The following ROBO1 variants were observed in gnomAD, a reference collection of about 807,000 sequenced individuals.
ROBO1 encodes roundabout homolog 1.
A neutral mutation model predicts 195.9 loss-of-function variants in ROBO1; 149 were observed. The ratio of observed to expected loss-of-function variants is 0.76; its 90% CI spans 0.67 to 0.87. The LOEUF is 0.87. Among genes scored for constraint, ROBO1 ranks in the 40% least tolerant of loss-of-function variants. The pLI is 0.00. For synonymous variants in ROBO1, 816 were observed against 733.2 expected, an observed-to-expected ratio of 1.11 and a Z score of -1.82; for missense variants, 1,933 against 2,068.3, an observed-to-expected ratio of 0.93 and a Z score of 1.27.
chr3:78,768,277 T>C (rs2083279318), intron 4 of ROBO1, among the ~76,000 whole-genome samples: 1 of 152,068 alleles, frequency 6.6e-6, no homozygotes, highest in East Asian at 1.9e-4. Context: ...TTCAGTTTTA[T>C]TCCACTGTGG....
chr3:78,716,052 T>C (rs758216818), intron 7 of ROBO1, among the ~76,000 whole-genome samples: 2 of 152,200 alleles, frequency 1.3e-5, no homozygotes, highest in African/African-American at 2.4e-5. Context: ...TTTGTGTCTG[T>C]GTTGTGATAA....
chr3:79,091,743 A>G (rs1295538226), intron 3 of ROBO1, among the ~76,000 whole-genome samples: 2 of 152,144 alleles, frequency 1.3e-5, no homozygotes, highest in African/African-American at 4.8e-5. Flanking sequence ...AAACCATGTG[A>G]GTTTGTGGGA....
chr3:79,400,123 T>C (rs2037309272), intron 2 of ROBO1, among the ~76,000 whole-genome samples: 1 of 152,160 alleles, frequency 6.6e-6, no homozygotes, highest in Admixed American at 6.6e-5. Context: ...ATGTGAGTTC[T>C]CAGCCAAACT....
At chr3:79,396,251 T>G (rs918114923) in intron 2 of ROBO1, among the ~76,000 whole-genome samples, 1 of 152,102 alleles carries the variant, frequency 6.6e-6, no homozygotes, top group African/African-American at 2.4e-5. Context: ...AAGACACTTG[T>G]GTTACACATA....
intron 2 of ROBO1, among the ~76,000 whole-genome samples, chr3:79,522,653 A>G (rs890671678): frequency 5.3e-5 from 8 of 152,200 alleles, no homozygotes; most frequent in Non-Finnish European, 1.2e-4. Flanking sequence ...CCCTTTTGGA[A>G]GGAGGAAATA....
intron 21 of ROBO1, among the ~76,000 whole-genome samples, chr3:78,643,149 G>T (rs1281607124): frequency 6.6e-6 from 1 of 152,092 alleles, no homozygotes. Context: ...GTTGCCAAAC[G>T]TTTTTGGTAA....
rs189380668 is a variant in ROBO1, at chr3:79,435,324, G to A, written c.88+154500C>T. Among the ~76,000 whole-genome samples, 450 of 152,210 alleles carry A rather than the reference G, an allele frequency of 3.0e-3. 2 individuals carry two copies. The highest frequency in any genetic ancestry group is 9.4e-3 in the African/African-American group (392 of 41,548). ...TGGTCTTGCGCTACTGGCTTCAAGC[G>A]ATCCTTCCACCTCAGCATCCTGTGT... On this transcript the variant is annotated intron_variant, in intron 2 of 30. Transcript: ENST00000464233.
intron 4 of ROBO1, among the ~76,000 whole-genome samples, chr3:78,856,293 GAA>G (rs1237662391): frequency 3.8e-4 from 29 of 76,624 alleles, no homozygotes; most frequent in African/African-American, 9.8e-4. Flanking sequence ...GCAAAAAAAA[GAA>G]AAAAAAAAAA....
intron 1 of ROBO1, among the ~76,000 whole-genome samples, chr3:79,607,815 G>A (rs1488073038): frequency 6.6e-6 from 1 of 151,844 alleles, no homozygotes; most frequent in Non-Finnish European, 1.5e-5. Flanking sequence ...ACTCACGTGC[G>A]TGGCTCTCCC....
intron 3 of ROBO1, among the ~76,000 whole-genome samples, chr3:78,952,983 G>A (rs1439303675): frequency 6.6e-6 from 1 of 152,072 alleles, no homozygotes; most frequent in African/African-American, 2.4e-5. Flanking sequence ...AATTCCAGGA[G>A]TGAATGCCTG....
At chr3:79,263,046 T>C (rs1485511599) in intron 2 of ROBO1, among the ~76,000 whole-genome samples, 1 of 152,116 alleles carries the variant, frequency 6.6e-6, no homozygotes, top group African/African-American at 2.4e-5. Context: ...CTCAACTTTG[T>C]CAAGCAATTG....
intron 1 of ROBO1, among the ~76,000 whole-genome samples, chr3:79,731,163 G>GA (rs1485187437): frequency 6.6e-6 from 1 of 152,162 alleles, no homozygotes; most frequent in Non-Finnish European, 1.5e-5. Flanking sequence ...CTTGTGGAAT[G>GA]AAATTGTGAC....
chr3:79,009,910 A>G (rs1235565775), intron 3 of ROBO1, among the ~76,000 whole-genome samples: 2 of 152,226 alleles, frequency 1.3e-5, no homozygotes, highest in Non-Finnish European at 2.9e-5. Context: ...CTACTCACAC[A>G]GTTGAGCTAT....
intron 3 of ROBO1, among the ~76,000 whole-genome samples, chr3:79,000,303 G>A (rs1324552799): frequency 6.6e-6 from 1 of 152,070 alleles, no homozygotes; most frequent in Non-Finnish European, 1.5e-5. Context: ...TAAGTTCCTT[G>A]TAGATTCTGG....
chr3:79,433,685 G>A (rs1159774744), intron 2 of ROBO1, among the ~76,000 whole-genome samples: 1 of 152,138 alleles, frequency 6.6e-6, no homozygotes, highest in Non-Finnish European at 1.5e-5. Flanking sequence ...TTTCTTCACA[G>A]AATTGGAAAA....
At chr3:79,669,714 C>T (rs375896004) in intron 1 of ROBO1, among the ~76,000 whole-genome samples, 16 of 151,804 alleles carry the variant, frequency 1.1e-4, no homozygotes, top group African/African-American at 3.9e-4. Context: ...ATAAGAGACC[C>T]TAGTCACTAT....
chr3:79,084,243 A>C (rs1576654301), intron 3 of ROBO1, among the ~76,000 whole-genome samples: 1 of 152,178 alleles, frequency 6.6e-6, no homozygotes. Context: ...TCACGCCTGT[A>C]ATCCCAGCAC....
At chr3:79,505,415 G>A (rs577617601) in intron 2 of ROBO1, among the ~76,000 whole-genome samples, 68 of 152,246 alleles carry the variant, frequency 4.5e-4, no homozygotes, top group African/African-American at 1.5e-3. Flanking sequence ...ATCGAACAAA[G>A]CAGAAGTCTA....
At chr3:79,645,735 C>T (rs1245347277) in intron 1 of ROBO1, among the ~76,000 whole-genome samples, 1 of 152,032 alleles carries the variant, frequency 6.6e-6, no homozygotes, top group Admixed American at 6.6e-5. Context: ...CACAAAGTTA[C>T]AGCAACCAAG....
Sources: gnomAD v4.1 joint callset for allele counts (sites outside exome capture counted in the v4.1 genomes callset) on GRCh38, gnomAD v4.1.1 for gene constraint, MANE v1.5 for transcripts, NCBI Gene and HGNC (gene_info 2026-07-23, HGNC 2026-07-21) for gene names.